Variants in PPP1R12A observed in about 807,000 individuals in gnomAD.
The protein encoded by PPP1R12A is protein phosphatase 1 regulatory subunit 12A.
PPP1R12A carries 19 observed loss-of-function variants against 139.6 expected under a neutral mutation model. The ratio of observed to expected loss-of-function variants is 0.14; its 90% CI spans 0.09 to 0.20. The LOEUF is 0.20. Ranked by LOEUF, PPP1R12A falls within the 10% of genes least tolerant of loss-of-function variation. The pLI is 1.00. For missense variants in PPP1R12A, 925 were observed against 1,211.5 expected, an observed-to-expected ratio of 0.76 and a Z score of 3.51; for synonymous variants, 427 against 420.6, an observed-to-expected ratio of 1.02 and a Z score of -0.19.
intron 4 of PPP1R12A, among the ~76,000 whole-genome samples, chr12:79,829,909 A>T (rs1191019229): frequency 6.6e-6 from 1 of 152,102 alleles, no homozygotes; most frequent in Non-Finnish European, 1.5e-5. Context: ...ACAACAACCA[A>T]CTCTCAAGCA....
intron 1 of PPP1R12A, among the ~76,000 whole-genome samples, chr12:79,901,232 A>G (rs546300090): frequency 6.6e-6 from 1 of 152,280 alleles, no homozygotes; most frequent in African/African-American, 2.4e-5. Flanking sequence ...TTCCAAAGGA[A>G]AATTTTAGTA....
intron 4 of PPP1R12A, among the ~76,000 whole-genome samples, chr12:79,830,062 CAT>C (rs1166387139): frequency 6.6e-6 from 1 of 151,276 alleles, no homozygotes; most frequent in Non-Finnish European, 1.5e-5. Flanking sequence ...ATTTTTATTT[CAT>C]ATATGTTTTA....
rs528186557 is a variant in PPP1R12A at position 79,788,711 on chromosome 12, G to A, written c.2739C>T (p.Tyr913=). ...SLLGRSGSYS[Y]LEERKPYSSR... is the part of the protein sequence containing the mutation. ...TGCTGTAAGGTTTTCTTTCTTCTAA[G>A]TAACTGTATGATCCAGAGCGACCCA... The change falls in exon 21 of 25, where the codon TAC becomes TAT. Residue 913 remains tyrosine (Y), a synonymous_variant. Transcript: ENST00000450142. The A allele has an allele frequency of 7.9e-5, 128 of 1,613,364 alleles. 2 individuals carry two copies. The South Asian group carries it at 1.3e-3, about 17-fold the overall frequency.
chr12:79,902,003 G>GA (rs1166166513), intron 1 of PPP1R12A, among the ~76,000 whole-genome samples: 1 of 152,168 alleles, frequency 6.6e-6, no homozygotes, highest in African/African-American at 2.4e-5. Context: ...ATGGGCTCAG[G>GA]ATATTTAAGG....
At chr12:79,909,722 C>T (rs564146970) in intron 1 of PPP1R12A, among the ~76,000 whole-genome samples, 9 of 73,882 alleles carry the variant, frequency 1.2e-4, no homozygotes, top group Admixed American at 3.6e-4. Context: ...GACAGAACTC[C>T]GTCTTAAAAA....
At chr12:79,798,262 C>T (rs1872707468) in intron 15 of PPP1R12A, among the ~76,000 whole-genome samples, 1 of 152,068 alleles carries the variant, frequency 6.6e-6, no homozygotes, top group Non-Finnish European at 1.5e-5. Context: ...GCAGTGTAAC[C>T]ATACAAAAGG....
intron 9 of PPP1R12A, among the ~76,000 whole-genome samples, chr12:79,812,554 G>A (rs1334047297): frequency 2.6e-5 from 4 of 151,866 alleles, no homozygotes; most frequent in Non-Finnish European, 4.4e-5. Context: ...GGGTTAGGAG[G>A]AGGGTCTTTA....
At chr12:79,850,121 T>G (rs977578998) in intron 2 of PPP1R12A, among the ~76,000 whole-genome samples, 1 of 152,206 alleles carries the variant, frequency 6.6e-6, no homozygotes, top group Non-Finnish European at 1.5e-5. Flanking sequence ...CATTAAATTC[T>G]TAACAAATTG....
In PPP1R12A at chr12:79,798,551, A is replaced by G; in HGVS notation, c.2034T>C (p.Ser678=). 6.4e-7 allele frequency: 1 copy of G among 1,571,332 alleles called. No homozygotes were observed. Among genetic ancestry groups the G allele is most frequent in the South Asian group, 1.2e-5 (1 of 86,218 alleles). The change falls in exon 15 of 25, where the codon TCT becomes TCC. Residue 678 remains serine, a synonymous_variant. Transcript: ENST00000450142. ...TAGATCTTGCTTTTCTTTGGGATTC[A>G]GACTCTTCATCCCTAACAGGAGTGA... ...SYLTPVRDEE[S]ESQRKARSRQ...
chr12:79,850,111 C>A (rs945172461), intron 2 of PPP1R12A, among the ~76,000 whole-genome samples: 1 of 152,126 alleles, frequency 6.6e-6, no homozygotes, highest in Non-Finnish European at 1.5e-5. Flanking sequence ...CGGGCCCAAC[C>A]ATTAAATTCT....
At chr12:79,920,621 T>C (rs1482533401) in intron 1 of PPP1R12A, among the ~76,000 whole-genome samples, 2 of 152,170 alleles carry the variant, frequency 1.3e-5, no homozygotes, top group East Asian at 3.8e-4. Context: ...TCTTCTCTCA[T>C]AAATGGATTA....
intron 3 of PPP1R12A, among the ~76,000 whole-genome samples, chr12:79,838,102 C>T (rs951772015): frequency 2.0e-5 from 3 of 152,142 alleles, no homozygotes; most frequent in African/African-American, 7.2e-5. Flanking sequence ...ATGGCTTTGA[C>T]CAAAATGCTG....
chr12:79,856,950 C>T (rs1366453360), intron 2 of PPP1R12A, among the ~76,000 whole-genome samples: 1 of 152,196 alleles, frequency 6.6e-6, no homozygotes. Flanking sequence ...AGTATAAATA[C>T]AGTGGTAGCC....
At chr12:79,782,531 G>A (rs1870583804) in intron 22 of PPP1R12A, 1 of 452,090 alleles carries the variant, frequency 2.2e-6, no homozygotes, top group South Asian at 1.6e-5. Context: ...ATATAAGCTT[G>A]GCTTTAAGGG....
Position 79,788,784 on chromosome 12 carries a change from C to G in PPP1R12A, c.2667-1G>C. On this transcript the variant is annotated splice_acceptor_variant, in intron 20 of 24. Coordinates refer to ENST00000450142, the MANE Select transcript of PPP1R12A (RefSeq NM_002480.3). LOFTEE classifies it high-confidence loss of function. The stretch of plus-strand genomic sequence containing the variant: ...AGCTGATGTAGAACTGGTTTCATAT[C>G]TTCAAAAGATTAATTTAAATAAAAA... The G allele has an allele frequency of 6.3e-7, 1 of 1,588,162 alleles. No individual in the cohort carries two copies. Among genetic ancestry groups the G allele is most frequent in the Non-Finnish European group, 8.6e-7 (1 of 1,167,428 alleles).
rs1476323919 is a variant in PPP1R12A at position 79,845,243 on chromosome 12, TG to T, written c.487+58del. ...CTTCAATGTCAACAAATATTTTTGC[TG>T]GAAAAGTATCACATTCTTTCTAAAA... On this transcript the variant is annotated intron_variant, in intron 3 of 24. Transcript: ENST00000450142. 7.9e-5 allele frequency: 103 copies of T among 1,296,994 alleles called. No individual in the cohort carries two copies. The East Asian group carries it at 2.4e-3, about 30-fold the overall frequency. 80.3% of individuals were successfully genotyped at this position (1,296,994 alleles called of 1,614,324 possible).
At chr12:79,832,109 A>T (rs1381541463) in intron 4 of PPP1R12A, among the ~76,000 whole-genome samples, 2 of 152,194 alleles carry the variant, frequency 1.3e-5, no homozygotes, top group Non-Finnish European at 2.9e-5. Context: ...AACTTACTGG[A>T]AAATCACAAC....
At chr12:79,864,610 A>G (rs928086163) in intron 2 of PPP1R12A, among the ~76,000 whole-genome samples, 3 of 152,180 alleles carry the variant, frequency 2.0e-5, no homozygotes, top group African/African-American at 7.2e-5. Flanking sequence ...GAAGAATCCA[A>G]TAGACACAAT....
At chr12:79,893,045 G>A (rs753684037) in intron 1 of PPP1R12A, among the ~76,000 whole-genome samples, 3 of 151,444 alleles carry the variant, frequency 2.0e-5, no homozygotes, top group Admixed American at 6.6e-5. Context: ...TGGAGTTGCC[G>A]TGAGCCAAGA....
Sources: gnomAD v4.1 joint callset for allele counts (sites outside exome capture counted in the v4.1 genomes callset) on GRCh38, gnomAD v4.1.1 for gene constraint, MANE v1.5 for transcripts, NCBI Gene and HGNC (gene_info 2026-07-23, HGNC 2026-07-21) for gene names.